KLRK1: variants seen among roughly 807,000 people sequenced by gnomAD.
KLRK1 encodes the protein NKG2-D type II integral membrane protein.
Under a neutral mutation model 31.3 loss-of-function variants are expected in KLRK1, and 40 were observed. The ratio of observed to expected loss-of-function variants is 1.28; its 90% CI spans 0.99 to 1.67. The LOEUF is 1.67. Among genes scored for constraint, KLRK1 ranks in the 40% most tolerant of loss-of-function variants. The pLI is 0.00. For missense variants in KLRK1, 251 were observed against 260.0 expected (o/e 0.97, Z 0.24); for synonymous variants, 77 against 77.3 (o/e 1.00, Z 0.02).
At position 10,386,930 on chromosome 12, in the gene KLRK1, C is replaced by G; in HGVS notation, c.121G>C (p.Val41Leu). 1 of 1,611,928 alleles carries G rather than the reference C, an allele frequency of 6.2e-7. No homozygotes were observed. The highest frequency in any genetic ancestry group is 1.1e-5 in the South Asian group (1 of 90,844). Residue 41 changes from valine to leucine, a missense_variant, in exon 3 of 8, where the codon GTA (valine) becomes CTA (leucine). Physicochemically the swap from Val to Leu is conservative, Grantham distance 32. Transcript: ENST00000240618. ...TTTTCTCTACATTTGCTTTTGACTA[C>G]TGGACATCTTTGCTTTTGCCATCGT... ...STRWQKQRCP[V>L]VKSKCRENAS...
intron 5 of KLRK1, 33 bp from the exon 6 acceptor site, chr12:10,378,738 C>T (rs1401089930): frequency 3.2e-6 from 5 of 1,554,566 alleles, no homozygotes; most frequent in South Asian, 2.5e-5. Flanking sequence ...TAATTCTACA[C>T]ATCTGAACCA....
At position 10,388,771 on chromosome 12, in the gene KLRK1, C is replaced by A; in HGVS notation, c.40G>T (p.Glu14Ter). Reference protein sequence around the residue: ...IRGRRSRHSWEMSEFHNYNLD... With the variant: ...IRGRRSRHSW ...ACACACTTATGTGGTAAAAACATAC[C>A]CCAGCTGTGTCGAGACCTCCGACCA... is the stretch of plus-strand genomic sequence containing the variant. The change falls in exon 2 of 8, where the codon GAG (glutamate) becomes TAG (stop). Residue 14 changes from glutamate to a stop codon, truncating the protein, a stop_gained and splice_region_variant. Coordinates refer to ENST00000240618, the MANE Select transcript of KLRK1 (RefSeq NM_007360.4). LOFTEE classifies it high-confidence loss of function. The A allele has an allele frequency of 6.2e-7, 1 of 1,613,506 alleles. No homozygotes were observed. Among genetic ancestry groups the A allele is most frequent in the Non-Finnish European group, 8.5e-7 (1 of 1,179,804 alleles).
intron 3 of KLRK1, among the ~76,000 whole-genome samples, chr12:10,386,201 AT>A (rs1266309851): frequency 6.6e-6 from 1 of 151,984 alleles, no homozygotes; most frequent in Non-Finnish European, 1.5e-5. Flanking sequence ...CCATCTGTGC[AT>A]ATTTTTGAGT....
chr12:10,386,211 GTC>G (rs912460229), intron 3 of KLRK1, among the ~76,000 whole-genome samples: 1 of 151,908 alleles, frequency 6.6e-6, no homozygotes, highest in African/African-American at 2.4e-5. Flanking sequence ...ATATTTTTGA[GTC>G]TCTCTCTGGG....
In KLRK1 at chr12:10,378,547, AC is replaced by A. The variant is rs773272985; in HGVS notation, c.429+6del. On this transcript the variant is annotated splice_donor_region_variant and intron_variant, in intron 6 of 7. Coordinates refer to ENST00000240618, the MANE Select transcript of KLRK1 (RefSeq NM_007360.4). The stretch of plus-strand genomic sequence containing the variant: ...TACAGGATGGGAAATTAAAATAAAT[AC>A]TCAACCTGGTCCTCTTTGCTGTATA... 1.9e-6 allele frequency: 3 copies of A among 1,608,728 alleles called. No individual in the cohort carries two copies. The South Asian group carries it at 3.3e-5, about 18-fold the overall frequency.
At chr12:10,381,273 C>T (rs1203134071) in intron 3 of KLRK1, among the ~76,000 whole-genome samples, 2 of 151,958 alleles carry the variant, frequency 1.3e-5, no homozygotes, top group African/African-American at 4.8e-5. Context: ...AAAAATACCT[C>T]CTCCCAAACA....
intron 3 of KLRK1, among the ~76,000 whole-genome samples, chr12:10,382,595 T>C (rs1377578205): frequency 1.3e-5 from 2 of 149,952 alleles, no homozygotes; most frequent in Non-Finnish European, 3.0e-5. Flanking sequence ...CTAAAGAGAG[T>C]TTTTTCAGTC....
chr12:10,374,893 GTAATCAACCAA>G (rs1862934772), intron 7 of KLRK1, among the ~76,000 whole-genome samples: 2 of 152,272 alleles, frequency 1.3e-5, no homozygotes, highest in African/African-American at 4.8e-5. Context: ...AAATTGTGCA[GTAATCAACCAA>G]TATTTACTAC....
At chr12:10,379,365 T>A (rs1863026773) in intron 5 of KLRK1, 82 bp downstream of exon 5, 1 of 856,568 alleles carries the variant, frequency 1.2e-6, no homozygotes, top group Non-Finnish European at 1.7e-6. Flanking sequence ...TTTCCTTTTT[T>A]AATCATGGAA....
At chr12:10,382,882 CTTT>C (rs2137814583) in intron 3 of KLRK1, among the ~76,000 whole-genome samples, 1 of 151,376 alleles carries the variant, frequency 6.6e-6, no homozygotes, top group South Asian at 2.1e-4. Flanking sequence ...TTAGTTTTTT[CTTT>C]TGTTGTTTTG....
intron 3 of KLRK1, among the ~76,000 whole-genome samples, chr12:10,384,764 C>T (rs1238156386): frequency 6.6e-6 from 1 of 151,982 alleles, no homozygotes; most frequent in Admixed American, 6.6e-5. Context: ...ATCAAACTAA[C>T]ACACTTCTCT....
chr12:10,378,754 G>A, intron 5 of KLRK1, 49 bp from the exon 6 acceptor site: 2 of 1,530,282 alleles, frequency 1.3e-6, no homozygotes, highest in Non-Finnish European at 1.7e-6. Context: ...AACCATTATA[G>A]CAGATTTTGT....
intron 3 of KLRK1, 72 bp from the exon 4 acceptor site, chr12:10,379,864 A>ATATT: frequency 7.4e-7 from 1 of 1,354,260 alleles, no homozygotes; most frequent in Non-Finnish European, 9.9e-7. Context: ...TTTAATATAA[A>ATATT]TATTAGAGTT....
At chr12:10,380,274 C>G (rs1036457311) in intron 3 of KLRK1, among the ~76,000 whole-genome samples, 10 of 152,068 alleles carry the variant, frequency 6.6e-5, no homozygotes, top group Non-Finnish European at 1.2e-4. Context: ...ACCGTGTTAG[C>G]CAGGACGGTC....
intron 7 of KLRK1, among the ~76,000 whole-genome samples, chr12:10,373,769 C>T (rs1429930064): frequency 6.6e-6 from 1 of 151,936 alleles, no homozygotes; most frequent in Non-Finnish European, 1.5e-5. Flanking sequence ...ATGTGTTTTA[C>T]TCTGGCATCT....
chr12:10,375,234 T>TTAAAG (rs1264031912), intron 7 of KLRK1, among the ~76,000 whole-genome samples: 1 of 152,186 alleles, frequency 6.6e-6, no homozygotes, highest in East Asian at 1.9e-4. Flanking sequence ...CAATTAATCA[T>TTAAAG]TAAAGTAGCA....
chr12:10,389,818 T>C (rs1863241460), intron 1 of KLRK1, 125 bp downstream of exon 1: 1 of 152,144 alleles, frequency 6.6e-6, no homozygotes, highest in South Asian at 2.1e-4. Flanking sequence ...TCAGGAGTTC[T>C]ATTCAAGCAT....
Position 10,388,909 on chromosome 12 carries a change from TTC to T in KLRK1, c.-65-36_-65-35del, listed in dbSNP as rs1344100811. On this transcript the variant is annotated intron_variant, in intron 1 of 7. Coordinates refer to ENST00000240618, the MANE Select transcript of KLRK1 (RefSeq NM_007360.4). ...AATAAAACTGGGCATTTGTTTTTTG[TTC>T]TCTTTCCCGTGGTGAGATAAAATAT... 1.8e-5 allele frequency: 26 copies of T among 1,461,640 alleles called. No individual in the cohort carries two copies. The African/African-American group carries it at 2.8e-4, about 16-fold the overall frequency. 90.5% of individuals were successfully genotyped at this position (1,461,640 alleles called of 1,614,324 possible). A position where few individuals can be genotyped will look rare whatever the true frequency, so the allele number is the denominator to read the frequency against.
intron 7 of KLRK1, among the ~76,000 whole-genome samples, chr12:10,376,204 G>T (rs1862961887): frequency 6.6e-6 from 1 of 152,032 alleles, no homozygotes; most frequent in Non-Finnish European, 1.5e-5. Context: ...TATTTCAAAG[G>T]TTATCACATA....
Sources: allele counts gnomAD v4.1 joint callset (sites outside exome capture counted in the v4.1 genomes callset), GRCh38; gene constraint gnomAD v4.1.1; transcripts MANE v1.5; gene names NCBI Gene and HGNC (gene_info 2026-07-23, HGNC 2026-07-21).